Variants in MEF2A observed in about 807,000 individuals in gnomAD.
The protein encoded by MEF2A is myocyte enhancer factor 2A.
A neutral mutation model predicts 55.8 loss-of-function variants in MEF2A; 28 were observed. The observed-to-expected ratio is 0.50, with a 90% CI of 0.37 to 0.69. The LOEUF is 0.69. Ranked by LOEUF, MEF2A falls within the 30% of genes least tolerant of loss-of-function variation. The pLI is 0.00. For synonymous variants in MEF2A, 239 were observed against 227.1 expected (o/e 1.05, Z -0.47); for missense variants, 528 against 626.2 (o/e 0.84, Z 1.67).
At chr15:99,623,103 C>CT (rs1339653504) in intron 2 of MEF2A, among the ~76,000 whole-genome samples, 1 of 152,180 alleles carries the variant, frequency 6.6e-6, no homozygotes, top group East Asian at 1.9e-4. Flanking sequence ...CCATTCTACT[C>CT]TATGTCTCTG....
At chr15:99,565,977 T>C (rs1179068080), upstream of MEF2A, 2 of 152,024 alleles carry the variant, frequency 1.3e-5, no homozygotes, top group Non-Finnish European at 2.9e-5. Context: ...ATAGCCCCGG[T>C]GTGGGGATCC....
chr15:99,636,223 T>C (rs1003798322), intron 3 of MEF2A, among the ~76,000 whole-genome samples: 2 of 152,240 alleles, frequency 1.3e-5, no homozygotes, highest in Admixed American at 1.3e-4. Flanking sequence ...TTTTGTTTTC[T>C]TCTAATGGGC....
intron 5 of MEF2A, among the ~76,000 whole-genome samples, chr15:99,673,365 T>C (rs1170298031): frequency 6.6e-6 from 1 of 152,182 alleles, no homozygotes; most frequent in Non-Finnish European, 1.5e-5. Context: ...ATAAAAGTGT[T>C]TTACTTTTGA....
intron 3 of MEF2A, among the ~76,000 whole-genome samples, chr15:99,643,297 G>GAAAAT (rs1028286244): frequency 1.3e-5 from 2 of 152,152 alleles, no homozygotes; most frequent in African/African-American, 4.8e-5. Flanking sequence ...TATGTAGAAG[G>GAAAAT]AAAATCTCTG....
chr15:99,613,198 C>G (rs2153219884), intron 2 of MEF2A, among the ~76,000 whole-genome samples: 1 of 152,270 alleles, frequency 6.6e-6, no homozygotes, highest in South Asian at 2.1e-4. Flanking sequence ...AGTACTCTTG[C>G]TTGGATATTA....
rs78529306 is a variant in MEF2A, at chr15:99,617,275, T to G, written c.-142-15703T>G. 1.3e-3 allele frequency among the ~76,000 whole-genome samples: 185 copies of G among 147,394 alleles called. 2 individuals are homozygous for G. The highest frequency in any genetic ancestry group is 8.0e-4 in the Non-Finnish European group (53 of 66,506). On this transcript the variant is annotated intron_variant, in intron 2 of 11. Coordinates refer to ENST00000557942, the MANE Select transcript of MEF2A (RefSeq NM_001319206.4). ...TATATGTGTTTGGTTTTTTTTTTTT[T>G]GTATGGTCTGTATTTATTTGTAAGG...
At chr15:99,670,102 G>T (rs552254687) in intron 4 of MEF2A, among the ~76,000 whole-genome samples, 1 of 152,006 alleles carries the variant, frequency 6.6e-6, no homozygotes, top group Non-Finnish European at 1.5e-5. Context: ...TAAAAAAGAA[G>T]AAAGAAAGAA....
At chr15:99,610,986 A>G (rs1977055284) in intron 2 of MEF2A, among the ~76,000 whole-genome samples, 1 of 152,250 alleles carries the variant, frequency 6.6e-6, no homozygotes, top group African/African-American at 2.4e-5. Flanking sequence ...TCATGCCTAT[A>G]ATCCCAGCAC....
At chr15:99,705,478 A>G (rs139018399) in intron 9 of MEF2A, among the ~76,000 whole-genome samples, 114 of 152,324 alleles carry the variant, frequency 7.5e-4, no homozygotes, top group African/African-American at 2.7e-3. Flanking sequence ...TTATTTGACA[A>G]TGAAGAAGTT....
At chr15:99,639,427 A>G (rs1291331162) in intron 3 of MEF2A, among the ~76,000 whole-genome samples, 3 of 152,206 alleles carry the variant, frequency 2.0e-5, no homozygotes, top group South Asian at 2.1e-4. Flanking sequence ...ATCTGCTCTC[A>G]TTCAATACAG....
chr15:99,576,361 A>G (rs1016648615), intron 1 of MEF2A, among the ~76,000 whole-genome samples: 8 of 152,202 alleles, frequency 5.3e-5, no homozygotes, highest in African/African-American at 1.9e-4. Flanking sequence ...AAAACATTTT[A>G]AAACAGGAGT....
At chr15:99,688,382 A>G (rs892470941) in intron 7 of MEF2A, among the ~76,000 whole-genome samples, 1 of 152,196 alleles carries the variant, frequency 6.6e-6, no homozygotes, top group East Asian at 1.9e-4. Flanking sequence ...TTAATCAGGG[A>G]TTTTACATCA....
intron 2 of MEF2A, among the ~76,000 whole-genome samples, chr15:99,631,951 T>G (rs1240416802): frequency 6.6e-6 from 1 of 152,196 alleles, no homozygotes; most frequent in African/African-American, 2.4e-5. Flanking sequence ...TTGAAAATAC[T>G]TGCATAAAAT....
chr15:99,691,100 G>GTTT (rs3979130), intron 8 of MEF2A, among the ~76,000 whole-genome samples: 50,589 of 122,418 alleles, frequency 0.41, 10,756 homozygotes, highest in Non-Finnish European at 0.46. Context: ...TTCGAATCAG[G>GTTT]TTTTTTTTTT....
chr15:99,663,807 A>G (rs963943945), intron 4 of MEF2A, among the ~76,000 whole-genome samples: 1 of 152,112 alleles, frequency 6.6e-6, no homozygotes, highest in Non-Finnish European at 1.5e-5. Flanking sequence ...TTGTCCTCTC[A>G]AGTATCTTTT....
intron 8 of MEF2A, among the ~76,000 whole-genome samples, chr15:99,695,275 C>T (rs1033322281): frequency 2.0e-5 from 3 of 152,068 alleles, no homozygotes; most frequent in Non-Finnish European, 4.4e-5. Context: ...TGACTCTACA[C>T]ATGATGTAAA....
intron 8 of MEF2A, among the ~76,000 whole-genome samples, chr15:99,697,815 G>A (rs1294141531): frequency 1.3e-5 from 2 of 152,122 alleles, no homozygotes; most frequent in Non-Finnish European, 2.9e-5. Context: ...ACTACTACCC[G>A]ATTTCAAGAC....
At chr15:99,696,376 T>A (rs2056484790) in intron 8 of MEF2A, among the ~76,000 whole-genome samples, 1 of 152,144 alleles carries the variant, frequency 6.6e-6, no homozygotes, top group African/African-American at 2.4e-5. Context: ...ACTGGCAAAT[T>A]TCAGTGAATT....
chr15:99,673,656 A>G (rs542640346), intron 5 of MEF2A, among the ~76,000 whole-genome samples: 1 of 152,286 alleles, frequency 6.6e-6, no homozygotes, highest in Non-Finnish European at 1.5e-5. Flanking sequence ...TAGAAAATAG[A>G]AAAAAGGGGA....
Sources: gnomAD v4.1 joint callset for allele counts (sites outside exome capture counted in the v4.1 genomes callset) on GRCh38, gnomAD v4.1.1 for gene constraint, MANE v1.5 for transcripts, NCBI Gene and HGNC (gene_info 2026-07-23, HGNC 2026-07-21) for gene names.